Variants in ANKRD36C observed in about 807,000 individuals in gnomAD.
ANKRD36C encodes ankyrin repeat domain 36C.
Under a neutral mutation model 276.4 loss-of-function variants are expected in ANKRD36C, and 61 were observed. That is an observed-to-expected ratio of 0.22 (90% CI 0.18 to 0.27). The LOEUF is 0.27. Ranked by LOEUF, ANKRD36C falls within the 10% of genes least tolerant of loss-of-function variation. ANKRD36C has a pLI of 1.00. For synonymous variants in ANKRD36C, 483 were observed against 680.1 expected, an observed-to-expected ratio of 0.71 and a Z score of 4.51; for missense variants, 1,447 against 2,032.3, an observed-to-expected ratio of 0.71 and a Z score of 5.54.
rs924837083 is a variant in ANKRD36C at position 95,902,924 on chromosome 2, A to G, written c.2654-3588T>C. ...TTCTCCATACTTTTTTCCTCTGGCT[A>G]TATTCAAAAGAGAATCTTTCTCGTC... On this transcript the variant is annotated intron_variant, in intron 42 of 66. Transcript: ENST00000456556. 24 of 1,589,104 alleles carry G rather than the reference A, an allele frequency of 1.5e-5. 1 individual carries two copies. In the African/African-American group the frequency reaches 2.8e-4, roughly 19 times the overall value.
chr2:95,948,677 G>A, intron 16 of ANKRD36C, 81 bp from the exon 17 acceptor site: 2 of 1,291,722 alleles, frequency 1.5e-6, no homozygotes, highest in Admixed American at 2.3e-5. Flanking sequence ...ATACATGCAG[G>A]TCCCCTCCAA....
rs1677384968 is a variant in ANKRD36C, at chr2:95,925,651, A to T, written c.1940-104T>A. The T allele has an allele frequency of 2.4e-6, 3 of 1,227,198 alleles. No homozygotes were observed. In the East Asian group the frequency reaches 7.7e-5, roughly 31 times the overall value. 76.0% of individuals were successfully genotyped at this position (1,227,198 alleles called of 1,614,324 possible). On this transcript the variant is annotated intron_variant, in intron 28 of 66. Coordinates refer to ENST00000456556, the Ensembl canonical transcript of ANKRD36C. ...CAAGCTGTATCCTCCCACCTGCACT[A>T]GTGTAGGATTTGATGTTTTACAGTT... is the stretch of plus-strand genomic sequence containing the variant.
intron 42 of ANKRD36C, among the ~76,000 whole-genome samples, chr2:95,911,773 T>G (rs1331470102): frequency 6.6e-6 from 1 of 151,450 alleles, no homozygotes; most frequent in Non-Finnish European, 1.5e-5. Flanking sequence ...TTTTCCCACC[T>G]TCCTGCCTCA....
chr2:95,910,520 A>T lies in ANKRD36C; in HGVS notation c.2653+1724T>A, dbSNP rs924027921. The stretch of plus-strand genomic sequence containing the variant: ...GACCATACATTAACTCGTTCACAAT[A>T]TAAATGAGAGTTTCATTACCTTCAA... On this transcript the variant is annotated intron_variant, in intron 42 of 66. Transcript: ENST00000456556. The T allele has an allele frequency of 2.5e-6, 4 of 1,606,306 alleles. No homozygotes were observed. Among genetic ancestry groups the T allele is most frequent in the Non-Finnish European group, 3.4e-6 (4 of 1,176,536 alleles).
intron 63 of ANKRD36C, among the ~76,000 whole-genome samples, chr2:95,854,431 T>A (rs574844693): frequency 7.2e-5 from 11 of 152,192 alleles, no homozygotes; most frequent in African/African-American, 1.9e-4. Flanking sequence ...CCACTCCTCG[T>A]TAGTCTGAAA....
At chr2:95,881,804 C>T (rs1210367568) in intron 56 of ANKRD36C, among the ~76,000 whole-genome samples, 1 of 142,550 alleles carries the variant, frequency 7.0e-6, no homozygotes, top group Non-Finnish European at 1.5e-5. Flanking sequence ...ATAACTTCTT[C>T]CTTCCCCTCT....
At chr2:95,890,951 C>T (rs1164102526) in intron 46 of ANKRD36C, among the ~76,000 whole-genome samples, 1 of 151,338 alleles carries the variant, frequency 6.6e-6, no homozygotes, top group Non-Finnish European at 1.5e-5. Flanking sequence ...TCAAGATTAC[C>T]TCATTTTTAT....
intron 42 of ANKRD36C, among the ~76,000 whole-genome samples, chr2:95,911,985 C>G (rs1459350852): frequency 6.6e-6 from 1 of 151,430 alleles, no homozygotes; most frequent in Admixed American, 6.6e-5. Flanking sequence ...CTATGCTGTA[C>G]CCCAGAGCCC....
chr2:95,889,901 T>C (rs1558628283), intron 47 of ANKRD36C, 30 bp from the exon 68 acceptor site: 8 of 1,607,614 alleles, frequency 5.0e-6, no homozygotes, highest in Middle Eastern at 1.7e-4. Context: ...CAACAGTCAA[T>C]AAATAAAGTA....
chr2:95,963,986 T>TATATATATATATATAA (rs1678526579), intron 6 of ANKRD36C, among the ~76,000 whole-genome samples: 4 of 19,060 alleles, frequency 2.1e-4, no homozygotes, highest in African/African-American at 1.3e-3. Flanking sequence ...TATATATATA[T>TATATATATATATATAA]ATATATATAT....
chr2:95,888,445 C>A (rs543267705), intron 48 of ANKRD36C, among the ~76,000 whole-genome samples: 2 of 151,720 alleles, frequency 1.3e-5, no homozygotes, highest in East Asian at 1.9e-4. Context: ...AACTCATACA[C>A]TTGAGAATCA....
intron 20 of ANKRD36C, among the ~76,000 whole-genome samples, chr2:95,939,846 A>G (rs891704801): frequency 1.1e-4 from 16 of 152,264 alleles, no homozygotes; most frequent in Non-Finnish European, 4.4e-5. Flanking sequence ...GGCTTCTGAT[A>G]TTTTCAGCTT....
intron 64 of ANKRD36C, 81 bp from the exon 85 acceptor site, chr2:95,852,277 T>C (rs1405325666): frequency 2.2e-6 from 2 of 914,580 alleles, no homozygotes; most frequent in Admixed American, 2.5e-5. Context: ...ACAAAATGTA[T>C]ATAAAATATT....
rs1409547257 is a variant in ANKRD36C, at chr2:95,919,602, T to C, written c.2246-1560A>G. The C allele has an allele frequency of 1.7e-5, 8 of 466,258 alleles. 2 individuals are homozygous for C. The Admixed American group carries it at 2.4e-4, about 14-fold the overall frequency. 28.9% of individuals were successfully genotyped at this position (466,258 alleles called of 1,614,324 possible). A position where few individuals can be genotyped will look rare whatever the true frequency, so the allele number is the denominator to read the frequency against. ...CAAGAAATTTATTACAAATGAAAAA[T>C]CTCAGGCCTGCTGAATCAGAATGTG... On this transcript the variant is annotated intron_variant, in intron 34 of 66. Transcript: ENST00000456556.
At chr2:95,988,928 G>A (rs914644282) in intron 1 of ANKRD36C, among the ~76,000 whole-genome samples, 12 of 152,126 alleles carry the variant, frequency 7.9e-5, no homozygotes, top group Non-Finnish European at 5.9e-5. Flanking sequence ...AGAACTTTGG[G>A]AGGCCGAGGC....
intron 46 of ANKRD36C, among the ~76,000 whole-genome samples, chr2:95,890,225 T>C (rs1285798324): frequency 2.0e-5 from 3 of 151,474 alleles, no homozygotes; most frequent in African/African-American, 7.3e-5. Context: ...ATCTGTCATA[T>C]GTCGAAAACT....
intron 34 of ANKRD36C, among the ~76,000 whole-genome samples, chr2:95,919,463 G>A (rs1479093445): frequency 7.5e-6 from 1 of 133,262 alleles, no homozygotes; most frequent in Non-Finnish European, 1.7e-5. Flanking sequence ...CTGTTCCCCA[G>A]AACCCCTTAT....
chr2:95,873,061 G>A (rs1436884445), intron 59 of ANKRD36C, among the ~76,000 whole-genome samples: 1 of 152,158 alleles, frequency 6.6e-6, no homozygotes, highest in Non-Finnish European at 1.5e-5. Context: ...GGACCAGATG[G>A]ATCCACAGCC....
chr2:95,926,092 G>A (rs547610382), intron 28 of ANKRD36C, among the ~76,000 whole-genome samples: 38 of 151,426 alleles, frequency 2.5e-4, no homozygotes, highest in Non-Finnish European at 5.3e-4. Context: ...GATATAGGTT[G>A]GGATAATCCT....
Sources: allele counts gnomAD v4.1 joint callset (sites outside exome capture counted in the v4.1 genomes callset), GRCh38; gene constraint gnomAD v4.1.1; transcripts MANE v1.5; gene names NCBI Gene and HGNC (gene_info 2026-07-23, HGNC 2026-07-21).